Variants in HSP90AA1 observed in about 807,000 individuals in gnomAD.
HSP90AA1 encodes heat shock protein 90 alpha family class A member 1, also known as heat shock protein HSP 90-alpha.
A neutral mutation model predicts 73.3 loss-of-function variants in HSP90AA1; 18 were observed. The observed-to-expected ratio is 0.25, with a 90% CI of 0.17 to 0.36. HSP90AA1 has a LOEUF of 0.36. Among genes scored for constraint, HSP90AA1 ranks in the 10% least tolerant of loss-of-function variants. HSP90AA1 has a pLI of 1.00. For synonymous variants in HSP90AA1, 477 were observed against 296.9 expected, an observed-to-expected ratio of 1.61 and a Z score of -6.24; for missense variants, 704 against 874.2, an observed-to-expected ratio of 0.81 and a Z score of 2.45.
upstream of HSP90AA1, among the ~76,000 whole-genome samples, chr14:102,087,880 C>T (rs1248904400): frequency 6.7e-6 from 1 of 149,096 alleles, no homozygotes; most frequent in Non-Finnish European, 1.5e-5. Flanking sequence ...GACCGATTTG[C>T]GGTCTCCAAA....
chr14:102,090,543 G>A (rs975603716), upstream of HSP90AA1, among the ~76,000 whole-genome samples: 5 of 151,876 alleles, frequency 3.3e-5, no homozygotes, highest in East Asian at 3.9e-4. Context: ...TCCGCCTCCC[G>A]GGTTCACGCC....
rs552167468 is a variant in HSP90AA1, at chr14:102,084,917, C to CTTCTTT, written c.739_744dup (p.Lys247_Glu248dup). The CTTCTTT allele has an allele frequency of 2.2e-3, 3,458 of 1,585,022 alleles. 7 individuals are homozygous for CTTCTTT. Among genetic ancestry groups the CTTCTTT allele is most frequent in the Non-Finnish European group, 2.7e-3 (3,073 of 1,154,168 alleles). On this transcript the variant is annotated inframe_insertion, in exon 5 of 11. Coordinates refer to ENST00000216281, the MANE Select transcript of HSP90AA1 (RefSeq NM_005348.4). ...TCAGGTTTGTCTTCCGACTCTTTCT[C>CTTCTTT]TTCTTTTTCTTTTTCTTCTTCTTTG...
intron 4 of HSP90AA1, 38 bp downstream of exon 4, chr14:102,085,259 AC>A (rs2049198300): frequency 6.3e-7 from 1 of 1,597,386 alleles, no homozygotes; most frequent in Non-Finnish European, 8.6e-7. Context: ...CCAATCACCT[AC>A]AGACAGAAAT....
At chr14:102,114,693 A>G (rs1475932858) in intron 1 of HSP90AA1, among the ~76,000 whole-genome samples, 1 of 152,108 alleles carries the variant, frequency 6.6e-6, no homozygotes, top group Non-Finnish European at 1.5e-5. Context: ...TTGGCCTAGT[A>G]TTCCCTGTAT....
intron 1 of HSP90AA1, 120 bp from the exon 2 acceptor site, chr14:102,086,498 A>C (rs1229437373): frequency 4.4e-6 from 5 of 1,141,320 alleles, no homozygotes; most frequent in Non-Finnish European, 5.3e-6. Context: ...GTTTAAGTAA[A>C]CCGAAAATAG....
intron 1 of HSP90AA1, among the ~76,000 whole-genome samples, chr14:102,136,610 G>A (rs888524699): frequency 9.3e-5 from 14 of 150,286 alleles, no homozygotes; most frequent in East Asian, 2.0e-4. Context: ...GGTTTGGGCC[G>A]GGCGCGGTGG....
upstream of HSP90AA1, among the ~76,000 whole-genome samples, chr14:102,089,825 T>C (rs998707297): frequency 2.0e-5 from 3 of 152,084 alleles, no homozygotes; most frequent in Non-Finnish European, 4.4e-5. Flanking sequence ...TAAGTACCTC[T>C]TGAACCCAGC....
In HSP90AA1 at chr14:102,106,537, ATTTTTTTTTT is replaced by A. The variant is rs10562409; in HGVS notation, c.156-4462_156-4453del. 3.9e-3 allele frequency among the ~76,000 whole-genome samples: 309 copies of A among 79,840 alleles called. 1 individual carries two copies. Among genetic ancestry groups the A allele is most frequent in the Non-Finnish European group, 5.6e-3 (225 of 40,412 alleles). 52.4% of individuals were successfully genotyped at this position (79,840 alleles called of 152,430 possible). A position where few individuals can be genotyped will look rare whatever the true frequency, so the allele number is the denominator to read the frequency against. On this transcript the variant is annotated intron_variant, in intron 1 of 11. Coordinates refer to the HSP90AA1 transcript ENST00000334701. ...CCCGCCTGAGCTCCCTGTTGAGCTAATTTTTTTTTTTTTTTTTTTTTTTTTGAGACAGAGT... is the reference window on the plus strand; with the variant it reads ...CCCGCCTGAGCTCCCTGTTGAGCTAATTTTTTTTTTTTTTTGAGACAGAGT...
chr14:102,118,767 T>G (rs1276072695), intron 1 of HSP90AA1, among the ~76,000 whole-genome samples: 1 of 152,110 alleles, frequency 6.6e-6, no homozygotes, highest in Non-Finnish European at 1.5e-5. Context: ...TGTTATATAT[T>G]TTAATATTTG....
intron 1 of HSP90AA1, among the ~76,000 whole-genome samples, chr14:102,132,835 C>G (rs2049924722): frequency 6.6e-6 from 1 of 152,000 alleles, no homozygotes; most frequent in Admixed American, 6.6e-5. Context: ...TGGTGCGCAC[C>G]TGTAATCCCA....
At chr14:102,108,784 C>T (rs1176104416) in intron 1 of HSP90AA1, among the ~76,000 whole-genome samples, 1 of 152,032 alleles carries the variant, frequency 6.6e-6, no homozygotes, top group African/African-American at 2.4e-5. Context: ...ATCCACCCAC[C>T]TCGGCCTCCC....
intron 1 of HSP90AA1, among the ~76,000 whole-genome samples, chr14:102,130,040 G>T (rs1435597921): frequency 6.7e-6 from 1 of 148,666 alleles, no homozygotes; most frequent in Non-Finnish European, 1.5e-5. Flanking sequence ...GTGTGATCTC[G>T]GCTCACTGCA....
chr14:102,110,817 G>A (rs575528417), intron 1 of HSP90AA1, among the ~76,000 whole-genome samples: 4 of 152,210 alleles, frequency 2.6e-5, no homozygotes, highest in African/African-American at 7.2e-5. Context: ...TCCTGACCTC[G>A]TGATTCACCC....
At chr14:102,139,584 C>G in exon 1 of HSP90AA1, 1 of 703,712 alleles carries the variant, frequency 1.4e-6, no homozygotes, top group South Asian at 2.0e-5. Context: ...TCCCCCTGAC[C>G]GGCTTTCCGC....
chr14:102,084,002 A>G lies in HSP90AA1; in HGVS notation c.1148-19T>C, dbSNP rs764088299. ...ATGAAGTCTGAAAAAAATATAAACCAAATGCACTGAGTCATTCCAAGGACA... is the reference window on the plus strand; with the variant it reads ...ATGAAGTCTGAAAAAAATATAAACCGAATGCACTGAGTCATTCCAAGGACA... On this transcript the variant is annotated intron_variant, in intron 6 of 10. Transcript: ENST00000216281. 3.2e-6 allele frequency: 5 copies of G among 1,582,694 alleles called. No individual in the cohort carries two copies. In the South Asian group the frequency reaches 4.4e-5, roughly 14 times the overall value.
chr14:102,088,248 C>CA (rs1022276958), upstream of HSP90AA1, among the ~76,000 whole-genome samples: 51 of 152,196 alleles, frequency 3.4e-4, no homozygotes, highest in Non-Finnish European at 6.6e-4. Context: ...ACCTTGGAGG[C>CA]ATTGGGGTTC....
intron 1 of HSP90AA1, among the ~76,000 whole-genome samples, chr14:102,118,435 G>T (rs7145760): frequency 6.6e-6 from 1 of 151,376 alleles, no homozygotes; most frequent in African/African-American, 2.4e-5. Flanking sequence ...AATTGAGATG[G>T]GGTCTATGTT....
upstream of HSP90AA1, among the ~76,000 whole-genome samples, chr14:102,088,177 C>T (rs2049295169): frequency 6.6e-6 from 1 of 152,086 alleles, no homozygotes; most frequent in Non-Finnish European, 1.5e-5. Context: ...GTTGCCCAGG[C>T]TGGAAAAGCC....
chr14:102,087,875 A>G (rs1214281356), upstream of HSP90AA1, among the ~76,000 whole-genome samples: 2 of 145,960 alleles, frequency 1.4e-5, no homozygotes, highest in African/African-American at 2.5e-5. Context: ...TTGCCGACCG[A>G]TTTGCGGTCT....
Sources: allele counts gnomAD v4.1 joint callset (sites outside exome capture counted in the v4.1 genomes callset), GRCh38; gene constraint gnomAD v4.1.1; transcripts MANE v1.5; gene names NCBI Gene and HGNC (gene_info 2026-07-23, HGNC 2026-07-21).